CSMD3: variants seen among roughly 807,000 people sequenced by gnomAD.
CSMD3 encodes CUB and Sushi multiple domains 3, also known as CUB and sushi domain-containing protein 3.
In CSMD3, 177 loss-of-function variants were observed where a neutral mutation model predicts 435.2. The observed-to-expected ratio is 0.41, with a 90% CI of 0.36 to 0.46. The LOEUF is 0.46. CSMD3 is among the 20% of genes least tolerant of loss of function. The probability of loss-of-function intolerance (pLI) is 0.34; values close to 1 mark genes in which losing one functional copy is unlikely to be tolerated. For synonymous variants in CSMD3, 1,656 were observed against 1,520.5 expected (o/e 1.09, Z -2.07); for missense variants, 4,265 against 4,504.6 (o/e 0.95, Z 1.52).
At chr8:112,897,538 G>T (rs2081981743) in intron 10 of CSMD3, among the ~76,000 whole-genome samples, 1 of 150,700 alleles carries the variant, frequency 6.6e-6, no homozygotes, top group South Asian at 2.1e-4. Flanking sequence ...AGCTGATAAA[G>T]AACTCAGAAA....
rs1464200626 is a variant in CSMD3 at position 112,928,869 on chromosome 8, T to G, written c.1509-7118A>C. Among the ~76,000 whole-genome samples, 5 of 145,714 alleles carry G rather than the reference T, an allele frequency of 3.4e-5. No homozygotes were observed. In the Admixed American group the frequency reaches 3.4e-4, roughly 10 times the overall value. ...ATCCCTGAGGAATCGCCACACTGACTTCCACAATGGTTGAACTAGTTTACA... is the reference window on the plus strand; with the variant it reads ...ATCCCTGAGGAATCGCCACACTGACGTCCACAATGGTTGAACTAGTTTACA... On this transcript the variant is annotated intron_variant, in intron 9 of 70. Coordinates refer to ENST00000297405, the MANE Select transcript of CSMD3 (RefSeq NM_198123.2).
chr8:112,850,367 AT>A (rs751741133), intron 11 of CSMD3, among the ~76,000 whole-genome samples: 16 of 152,168 alleles, frequency 1.1e-4, no homozygotes, highest in African/African-American at 1.7e-4. Context: ...AATATACAAT[AT>A]TCTTGATTAT....
intron 1 of CSMD3, among the ~76,000 whole-genome samples, chr8:113,382,889 G>A (rs1237377953): frequency 1.3e-5 from 2 of 152,164 alleles, no homozygotes; most frequent in Non-Finnish European, 2.9e-5. Flanking sequence ...GCTGAGGCAG[G>A]AGAATCCCTT....
rs1312632740 is a variant in CSMD3, at chr8:113,436,833, C to T, written c.22G>A (p.Glu8Lys). The T allele has an allele frequency of 1.2e-6, 2 of 1,614,152 alleles. No individual in the cohort carries two copies. Among genetic ancestry groups the T allele is most frequent in the Admixed American group, 1.7e-5 (1 of 60,020 alleles). The change falls in exon 1 of 71, where the codon GAA (glutamate) becomes AAA (lysine). Residue 8 changes from glutamate (E) to lysine (K), a missense_variant. This residue lies in a region of CSMD3 where 731 missense variants were observed against 755.4 expected (regional missense o/e 0.97). Coordinates refer to ENST00000297405, the MANE Select transcript of CSMD3 (RefSeq NM_198123.2). ...GGTTTGGATTCCTTTGCTCGGCTTT[C>T]CCCTTTGCGGATCCCTTTCATATTA... MKGIRKG[E>K]SRAKESKPWE...
At chr8:112,312,348 G>A (rs1012200921) in intron 49 of CSMD3, among the ~76,000 whole-genome samples, 2 of 151,924 alleles carry the variant, frequency 1.3e-5, no homozygotes, top group East Asian at 1.9e-4. Context: ...CCCACCTCCC[G>A]GGTTCAAGTG....
Position 112,492,520 on chromosome 8 carries a change from A to C in CSMD3, c.5247T>G (p.Pro1749=), listed in dbSNP as rs369869434. 318 of 1,613,906 alleles carry C rather than the reference A, an allele frequency of 2.0e-4. No homozygotes were observed. The highest frequency in any genetic ancestry group is 2.5e-4 in the Non-Finnish European group (297 of 1,179,906). Residue 1749 remains proline, a synonymous_variant, in exon 31 of 71, where the codon CCT becomes CCG. Transcript: ENST00000297405. ...AACTTGGCAAGGCTCTATTCCATCC[A>C]GGTCTTCCATCATCTCCCATGATAC... ...LTCIMGDDGR[P]GWNRALPSCH...
intron 32 of CSMD3, among the ~76,000 whole-genome samples, chr8:112,432,331 T>C (rs1748087243): frequency 6.6e-6 from 1 of 152,038 alleles, no homozygotes; most frequent in Admixed American, 6.6e-5. Context: ...TATTTTAGGG[T>C]CTTGCTTTGT....
intron 49 of CSMD3, among the ~76,000 whole-genome samples, chr8:112,313,399 CAA>C (rs2130826837): frequency 6.6e-6 from 1 of 152,160 alleles, no homozygotes; most frequent in South Asian, 2.1e-4. Context: ...AAAATTAAAA[CAA>C]AGATTTTGAC....
At chr8:113,430,626 T>C (rs2094666524) in intron 1 of CSMD3, among the ~76,000 whole-genome samples, 1 of 152,154 alleles carries the variant, frequency 6.6e-6, no homozygotes. Flanking sequence ...GAGGTATTTT[T>C]ATTGCTAAAA....
chr8:112,593,690 T>C (rs920334828), intron 22 of CSMD3, among the ~76,000 whole-genome samples: 17 of 151,994 alleles, frequency 1.1e-4, no homozygotes, highest in African/African-American at 4.1e-4. Flanking sequence ...ATTTAACAGG[T>C]AGACAAAAGG....
chr8:112,453,923 C>T (rs1032580109), intron 32 of CSMD3, among the ~76,000 whole-genome samples: 2 of 152,034 alleles, frequency 1.3e-5, no homozygotes, highest in African/African-American at 4.8e-5. Context: ...ACACATAGAC[C>T]AATGGAGCAG....
At chr8:112,521,909 TATA>T (rs1428225874) in intron 27 of CSMD3, among the ~76,000 whole-genome samples, 2 of 151,864 alleles carry the variant, frequency 1.3e-5, no homozygotes, top group Non-Finnish European at 2.9e-5. Flanking sequence ...TCTAATTTAT[TATA>T]ATAACCATAT....
chr8:112,300,080 G>T (rs533533956), intron 53 of CSMD3, among the ~76,000 whole-genome samples: 305 of 147,128 alleles, frequency 2.1e-3, no homozygotes, highest in African/African-American at 7.3e-3. Flanking sequence ...TTAAAATTTA[G>T]TTTTATTTTA....
chr8:113,359,948 A>T (rs1030151726), intron 1 of CSMD3, among the ~76,000 whole-genome samples: 2 of 152,134 alleles, frequency 1.3e-5, no homozygotes, highest in African/African-American at 4.8e-5. Flanking sequence ...ATATATACCC[A>T]CTGCTCTGTG....
intron 23 of CSMD3, among the ~76,000 whole-genome samples, chr8:112,581,151 C>T (rs1830308849): frequency 6.6e-6 from 1 of 151,878 alleles, no homozygotes; most frequent in Non-Finnish European, 1.5e-5. Context: ...TACAGCAATC[C>T]TGAATTTAAG....
At chr8:112,567,112 C>A (rs948184818) in intron 24 of CSMD3, among the ~76,000 whole-genome samples, 1 of 152,242 alleles carries the variant, frequency 6.6e-6, no homozygotes, top group East Asian at 1.9e-4. Flanking sequence ...TAGTTTCCAA[C>A]TTTATCACTC....
intron 49 of CSMD3, 76 bp downstream of exon 49, chr8:112,313,830 A>T (rs2130829230): frequency 1.7e-6 from 2 of 1,168,220 alleles, no homozygotes; most frequent in Non-Finnish European, 2.6e-6. Context: ...CTAACTGAAT[A>T]GTGTCTCTGC....
intron 4 of CSMD3, among the ~76,000 whole-genome samples, chr8:113,103,538 C>A (rs1035645512): frequency 1.3e-5 from 2 of 152,006 alleles, no homozygotes; most frequent in Non-Finnish European, 2.9e-5. Flanking sequence ...ACTATTAACC[C>A]TTTTGGAATT....
At chr8:112,405,246 T>TATACAC (rs1199452249) in intron 35 of CSMD3, among the ~76,000 whole-genome samples, 1 of 81,536 alleles carries the variant, frequency 1.2e-5, no homozygotes, top group African/African-American at 5.3e-5. Flanking sequence ...TATATATATA[T>TATACAC]ACATATATAT....
Sources: gnomAD v4.1 joint callset for allele counts (sites outside exome capture counted in the v4.1 genomes callset) on GRCh38, gnomAD v4.1.1 for gene constraint, gnomAD v4.1.1 regional missense constraint, MANE v1.5 for transcripts, NCBI Gene and HGNC (gene_info 2026-07-23, HGNC 2026-07-21) for gene names.